Variants in NECTIN1 observed in about 807,000 individuals in gnomAD.
The protein encoded by NECTIN1 is nectin-1.
Under a neutral mutation model 48.0 loss-of-function variants are expected in NECTIN1, and 23 were observed. The ratio of observed to expected loss-of-function variants is 0.48; its 90% confidence interval spans 0.34 to 0.68. NECTIN1 has a LOEUF of 0.68. Ranked by LOEUF, NECTIN1 falls within the 30% of genes least tolerant of loss-of-function variation. The probability of loss-of-function intolerance (pLI) is 0.01; values close to 1 mark genes in which losing one functional copy is unlikely to be tolerated. For synonymous variants in NECTIN1, 270 were observed against 288.9 expected (o/e 0.93, Z 0.66); for missense variants, 591 against 709.9 (o/e 0.83, Z 1.90).
chr11:119,687,895 G>T (rs1046480908), intron 1 of NECTIN1, among the ~76,000 whole-genome samples: 1 of 152,208 alleles, frequency 6.6e-6, no homozygotes, highest in Non-Finnish European at 1.5e-5. Flanking sequence ...GGCCGGGGGG[G>T]TGAGTGGAAG....
chr11:119,684,503 C>G lies in NECTIN1; in HGVS notation c.80-5738G>C, dbSNP rs549415335. Among the ~76,000 whole-genome samples the G allele has an allele frequency of 1.3e-5, 2 of 152,292 alleles. No homozygotes were observed. The highest frequency in any genetic ancestry group is 4.8e-5 in the African/African-American group (2 of 41,544). ...AGGGCTTTCCAGGGATGCTCCCACC[C>G]CCACCCCAGGAACTGGCAGAAGGGG... On this transcript the variant is annotated intron_variant, in intron 1 of 5. Coordinates refer to ENST00000264025, the MANE Select transcript of NECTIN1 (RefSeq NM_002855.5). This position sits in a 1 kb window ranked among gnomAD's most constrained non-coding sequence, Gnocchi z 5.2.
chr11:119,658,430 A>T (rs921961860), downstream of NECTIN1, among the ~76,000 whole-genome samples: 2 of 152,072 alleles, frequency 1.3e-5, no homozygotes, highest in Non-Finnish European at 2.9e-5. Context: ...ACTAGGTAGA[A>T]CCCAAGGACT....
Position 119,727,239 on chromosome 11 carries a change from C to T in NECTIN1, c.79+1236G>A, listed in dbSNP as rs1865924114. Among the ~76,000 whole-genome samples the T allele has an allele frequency of 6.6e-6, 1 of 152,206 alleles. No homozygotes were observed. Among genetic ancestry groups the T allele is most frequent in the African/African-American group, 2.4e-5 (1 of 41,454 alleles). On this transcript the variant is annotated intron_variant, in intron 1 of 5. Transcript: ENST00000264025. The surrounding 1 kb of genome is among the most constrained non-coding windows in gnomAD (Gnocchi z 4.1). ...GAACTAGGCAGCCAGACTGTTCCCT[C>T]GATAACAAACTGCCTGGCCATTCTG...
chr11:119,681,706 T>A (rs1444424767), intron 1 of NECTIN1, among the ~76,000 whole-genome samples: 4 of 152,158 alleles, frequency 2.6e-5, no homozygotes, highest in Non-Finnish European at 5.9e-5. Flanking sequence ...GGTTGCTCTT[T>A]TCTGTCCACT....
rs60865388 is a variant in NECTIN1 at position 119,703,470 on chromosome 11, C to T, written c.80-24705G>A. On this transcript the variant is annotated intron_variant, in intron 1 of 5. Transcript: ENST00000264025. ...TCTTGGTGTTTGCCTTGGACTTGTC[C>T]AAGTGGTAGGATTATAGTAGCTGGT... is the stretch of plus-strand genomic sequence containing the variant. Among the ~76,000 whole-genome samples, 581 of 152,270 alleles carry T rather than the reference C, an allele frequency of 3.8e-3. 7 individuals are homozygous for T. The East Asian group carries it at 0.048, about 13-fold the overall frequency.
chr11:119,674,562 C>A (rs1321977098), intron 5 of NECTIN1: 1 of 1,614,220 alleles, frequency 6.2e-7, no homozygotes, highest in Non-Finnish European at 8.5e-7. Flanking sequence ...CAAGCCCATG[C>A]TCCTTTCACG....
At chr11:119,676,432 C>T (rs1315750818) in intron 4 of NECTIN1, among the ~76,000 whole-genome samples, 8 of 152,230 alleles carry the variant, frequency 5.3e-5, no homozygotes, top group Non-Finnish European at 1.0e-4. Flanking sequence ...TCCTTCTGGG[C>T]AGCTGTCTCC....
At chr11:119,708,594 G>A (rs186050076) in intron 1 of NECTIN1, among the ~76,000 whole-genome samples, 41 of 150,614 alleles carry the variant, frequency 2.7e-4, no homozygotes, top group Admixed American at 2.4e-3. Context: ...GAAAGTAGAT[G>A]AGTGGTTGTC....
At chr11:119,668,774 A>G (rs1864819424) in intron 5 of NECTIN1, among the ~76,000 whole-genome samples, 1 of 152,226 alleles carries the variant, frequency 6.6e-6, no homozygotes, top group South Asian at 2.1e-4. Context: ...AATAAATGCA[A>G]ATTAGAAGTT....
intron 5 of NECTIN1, among the ~76,000 whole-genome samples, chr11:119,669,512 T>C (rs1426515784): frequency 2.0e-5 from 3 of 152,232 alleles, no homozygotes; most frequent in African/African-American, 7.2e-5. Context: ...GGATTATTGA[T>C]TGCAATAGCT....
chr11:119,674,482 G>A, intron 5 of NECTIN1: 1 of 1,610,994 alleles, frequency 6.2e-7, no homozygotes, highest in Non-Finnish European at 8.5e-7. Flanking sequence ...AGCCCTTCAA[G>A]GTACATCATA....
rs1865932348 is a variant in NECTIN1, at chr11:119,727,645, C to T, written c.79+830G>A. Among the ~76,000 whole-genome samples the T allele has an allele frequency of 6.6e-6, 1 of 152,198 alleles. No individual in the cohort carries two copies. Among genetic ancestry groups the T allele is most frequent in the South Asian group, 2.1e-4 (1 of 4,828 alleles). On this transcript the variant is annotated intron_variant, in intron 1 of 5. Coordinates refer to ENST00000264025, the MANE Select transcript of NECTIN1 (RefSeq NM_002855.5). This position sits in a 1 kb window ranked among gnomAD's most constrained non-coding sequence, Gnocchi z 4.1. ...GTCCCAGCCTCCGTCCCCACCCCAC[C>T]CGTCAGAATGGGCCACCAGGGCCAC...
chr11:119,639,651 C>A, intron 6 of NECTIN1: 2 of 610,682 alleles, frequency 3.3e-6, no homozygotes, highest in South Asian at 1.9e-5. Context: ...CTTTATGAAG[C>A]CCTTTTGAAC....
At chr11:119,703,905 T>C (rs951810954) in intron 1 of NECTIN1, among the ~76,000 whole-genome samples, 5 of 152,242 alleles carry the variant, frequency 3.3e-5, no homozygotes, top group Non-Finnish European at 4.4e-5. Context: ...GGCTCGGAAC[T>C]GGCACACAGG....
At chr11:119,647,178 T>C (rs1342533096) in intron 5 of NECTIN1, among the ~76,000 whole-genome samples, 1,048 of 85,568 alleles carry the variant, frequency 0.012, 17 homozygotes, top group East Asian at 0.036. Context: ...TGTGTGTGTG[T>C]GTGTGTGTGT....
intron 1 of NECTIN1, among the ~76,000 whole-genome samples, chr11:119,693,864 G>T (rs1353489593): frequency 6.6e-6 from 1 of 152,196 alleles, no homozygotes; most frequent in African/African-American, 2.4e-5. Context: ...CTGGGAAAGG[G>T]TGGGTTTTCT....
At position 119,687,835 on chromosome 11, in the gene NECTIN1, C is replaced by A. The variant is rs962137578; in HGVS notation, c.80-9070G>T. 5.3e-5 allele frequency among the ~76,000 whole-genome samples: 8 copies of A among 152,234 alleles called. No individual in the cohort carries two copies. The South Asian group carries it at 1.7e-3, about 32-fold the overall frequency. The stretch of plus-strand genomic sequence containing the variant: ...AGGGGCCTGTGGGGCCACCCCAGCG[C>A]CCAACCCTCCCGATGCCCTGTCCAG... On this transcript the variant is annotated intron_variant, in intron 1 of 5. Transcript: ENST00000264025.
chr11:119,677,040 C>T lies in NECTIN1; in HGVS notation c.851+62G>A. ...GCTCCTGGAGGTAGGATGGTTGCCCCTCATCACCCGTGGTCCAGTCAGCTG... is the reference window on the plus strand; with the variant it reads ...GCTCCTGGAGGTAGGATGGTTGCCCTTCATCACCCGTGGTCCAGTCAGCTG... On this transcript the variant is annotated intron_variant, in intron 4 of 5. Transcript: ENST00000264025. This position sits in a 1 kb window ranked among gnomAD's most constrained non-coding sequence, Gnocchi z 5.4. 4 of 1,430,668 alleles carry T rather than the reference C, an allele frequency of 2.8e-6. No individual in the cohort carries two copies. The highest frequency in any genetic ancestry group is 2.3e-5 in the East Asian group (1 of 43,984). 88.6% of individuals were successfully genotyped at this position (1,430,668 alleles called of 1,614,324 possible). A position where few individuals can be genotyped will look rare whatever the true frequency, so the allele number is the denominator to read the frequency against.
At chr11:119,717,246 T>C (rs930217784) in intron 1 of NECTIN1, among the ~76,000 whole-genome samples, 1 of 152,162 alleles carries the variant, frequency 6.6e-6, no homozygotes, top group South Asian at 2.1e-4. Context: ...AACGGTGCTG[T>C]GGTCAGGGCA....
Sources: allele counts gnomAD v4.1 joint callset (sites outside exome capture counted in the v4.1 genomes callset), GRCh38; gene constraint gnomAD v4.1.1; non-coding constraint Gnocchi (gnomAD v3.1); transcripts MANE v1.5; gene names NCBI Gene and HGNC (gene_info 2026-07-23, HGNC 2026-07-21).